Variants in HEXB observed in about 807,000 individuals in gnomAD.
HEXB encodes beta-hexosaminidase subunit beta.
A neutral mutation model predicts 71.2 loss-of-function variants in HEXB; 51 were observed. The ratio of observed to expected loss-of-function variants is 0.72; its 90% CI spans 0.57 to 0.90. HEXB has a LOEUF of 0.90. HEXB is among the 40% of genes least tolerant of loss of function. HEXB has a pLI of 0.00. For synonymous variants in HEXB, 266 were observed against 249.3 expected (o/e 1.07, Z -0.63); for missense variants, 617 against 677.0 (o/e 0.91, Z 0.98).
chr5:74,720,964 GTTGCT>G, intron 13 of HEXB, 149 bp from the exon 14 acceptor site: 1 of 807,614 alleles, frequency 1.2e-6, no homozygotes, highest in Non-Finnish European at 2.0e-6. Context: ...TCCATCTTGA[GTTGCT>G]TTAATTTTCT....
rs142083739 is a variant in HEXB at position 74,702,369 on chromosome 5, C to T, written c.670-2850C>T. 2.9e-3 allele frequency among the ~76,000 whole-genome samples: 436 copies of T among 152,224 alleles called. 3 individuals carry two copies. Among genetic ancestry groups the T allele is most frequent in the East Asian group, 0.024 (124 of 5,170 alleles). On this transcript the variant is annotated intron_variant, in intron 5 of 13. Transcript: ENST00000261416. ...CTGGGATTACAGGCGTGAGCCACCG[C>T]GCCCGGCCTCCTTGTCTTTTAAGAC... is the stretch of plus-strand genomic sequence containing the variant.
Position 74,652,834 on chromosome 5 carries a change from C to T in HEXB, c.-377+12276C>T, listed in dbSNP as rs1432860643. On this transcript the variant is annotated intron_variant, in intron 1 of 13. Coordinates refer to the HEXB transcript ENST00000511181. The surrounding 1 kb of genome is among the most constrained non-coding windows in gnomAD (Gnocchi z 5.4). ...GTCTTGTCTCACTGCAGTCCCAGGC[C>T]CATCCCATAAGGAGCAAGGGGGAAA... Among the ~76,000 whole-genome samples the T allele has an allele frequency of 2.6e-5, 4 of 152,138 alleles. No homozygotes were observed. The highest frequency in any genetic ancestry group is 6.6e-5 in the Admixed American group (1 of 15,258).
intron 5 of HEXB, among the ~76,000 whole-genome samples, chr5:74,701,760 A>G (rs1477104257): frequency 3.9e-5 from 6 of 152,186 alleles, no homozygotes; most frequent in Admixed American, 1.3e-4. Flanking sequence ...TATTTAAGCT[A>G]TATATTTGCT....
chr5:74,668,230 TTGTGTGTGTG>T (rs34727155), intron 1 of HEXB, among the ~76,000 whole-genome samples: 5 of 148,692 alleles, frequency 3.4e-5, no homozygotes, highest in South Asian at 2.1e-4. Flanking sequence ...TTTGTTTTGT[TTGTGTGTGTG>T]TGTGTGTGTG....
chr5:74,666,129 G>T (rs1748427763), intron 1 of HEXB, among the ~76,000 whole-genome samples: 1 of 152,232 alleles, frequency 6.6e-6, no homozygotes, highest in Non-Finnish European at 1.5e-5. Flanking sequence ...TGAAACTGAT[G>T]ATTGAAGCCC....
At chr5:74,720,221 A>T (rs558241906) in intron 11 of HEXB, 2 of 593,762 alleles carry the variant, frequency 3.4e-6, no homozygotes, top group South Asian at 3.8e-5. Flanking sequence ...GGCTGGGGAT[A>T]AAGTTTGCAA....
intron 6 of HEXB, 126 bp from the exon 7 acceptor site, chr5:74,713,380 G>A: frequency 1.2e-6 from 1 of 868,284 alleles, no homozygotes; most frequent in East Asian, 2.5e-5. Flanking sequence ...AATATCACAT[G>A]AAACTAATAC....
chr5:74,645,473 G>A (rs1278564181), intron 1 of HEXB, among the ~76,000 whole-genome samples: 3 of 152,180 alleles, frequency 2.0e-5, no homozygotes, highest in Non-Finnish European at 2.9e-5. Context: ...TTGTGTGAAA[G>A]TCTGTCTTTG....
At chr5:74,664,760 C>G (rs937191946) in intron 1 of HEXB, among the ~76,000 whole-genome samples, 1 of 152,000 alleles carries the variant, frequency 6.6e-6, no homozygotes, top group African/African-American at 2.4e-5. Flanking sequence ...ATAAAATTTT[C>G]CAGCTCATCG....
intron 1 of HEXB, among the ~76,000 whole-genome samples, chr5:74,669,685 A>G (rs820846): frequency 0.55 from 83,952 of 151,660 alleles, 23,475 homozygotes; most frequent in Non-Finnish European, 0.59. Context: ...AAGCAGAGCT[A>G]GGGATACAGG....
chr5:74,671,352 C>T (rs1396064064), intron 1 of HEXB, among the ~76,000 whole-genome samples: 3 of 151,988 alleles, frequency 2.0e-5, no homozygotes, highest in Non-Finnish European at 4.4e-5. Flanking sequence ...CAGGAATAAA[C>T]TGTGGATACG....
chr5:74,706,678 G>A (rs566488512), intron 6 of HEXB, among the ~76,000 whole-genome samples: 8 of 152,164 alleles, frequency 5.3e-5, no homozygotes, highest in African/African-American at 1.4e-4. Flanking sequence ...CTACGTGCAC[G>A]GAGTCTCGCT....
At chr5:74,719,834 C>G (rs1324082040) in intron 11 of HEXB, among the ~76,000 whole-genome samples, 1 of 150,420 alleles carries the variant, frequency 6.6e-6, no homozygotes, top group African/African-American at 2.4e-5. Flanking sequence ...CCCAGCTATT[C>G]GGGAGGCTGA....
intron 1 of HEXB, among the ~76,000 whole-genome samples, chr5:74,669,484 C>G (rs1748494119): frequency 6.6e-6 from 1 of 151,852 alleles, no homozygotes; most frequent in Non-Finnish European, 1.5e-5. Flanking sequence ...TTGATTTTTC[C>G]CTAGGGAACT....
intron 4 of HEXB, 34 bp downstream of exon 4, chr5:74,696,773 T>A: frequency 9.0e-7 from 1 of 1,112,488 alleles, no homozygotes; most frequent in Non-Finnish European, 1.4e-6. Flanking sequence ...CTAAAAATTG[T>A]TAGACAAATT....
chr5:74,649,985 T>C lies in HEXB; in HGVS notation c.-377+9427T>C, dbSNP rs1012850682. Among the ~76,000 whole-genome samples, 4 of 152,224 alleles carry C rather than the reference T, an allele frequency of 2.6e-5. No individual in the cohort carries two copies. The East Asian group carries it at 7.7e-4, about 29-fold the overall frequency. ...CCCACTTTGAAATCTGTAATCCAAA[T>C]GTCCAGGCAAGCTCTGGGTATCCTC... On this transcript the variant is annotated intron_variant, in intron 1 of 13. Coordinates refer to the HEXB transcript ENST00000511181.
intron 6 of HEXB, 54 bp from the exon 7 acceptor site, chr5:74,713,452 C>T (rs1749598016): frequency 6.4e-6 from 10 of 1,573,286 alleles, no homozygotes; most frequent in Non-Finnish European, 8.7e-6. Context: ...TTAACAATTT[C>T]CAGGATCAAA....
At chr5:74,702,148 G>A (rs820837) in intron 5 of HEXB, among the ~76,000 whole-genome samples, 93,879 of 133,890 alleles carry the variant, frequency 0.7, 33,257 homozygotes, top group South Asian at 0.79. Flanking sequence ...GCGGGATCTC[G>A]GCTCACTGCA....
intron 1 of HEXB, among the ~76,000 whole-genome samples, chr5:74,650,728 G>A (rs939899371): frequency 4.0e-5 from 6 of 151,716 alleles, no homozygotes; most frequent in East Asian, 3.9e-4. Flanking sequence ...GAGACCATCC[G>A]GGCTAACACG....
Sources: gnomAD v4.1 joint callset for allele counts (sites outside exome capture counted in the v4.1 genomes callset) on GRCh38, gnomAD v4.1.1 for gene constraint, Gnocchi (gnomAD v3.1) non-coding constraint, MANE v1.5 for transcripts, NCBI Gene and HGNC (gene_info 2026-07-23, HGNC 2026-07-21) for gene names.